SLC12A8: variants seen among roughly 807,000 people sequenced by gnomAD.
SLC12A8 encodes solute carrier family 12 member 8.
A neutral mutation model predicts 75.6 loss-of-function variants in SLC12A8; 69 were observed. That is an observed-to-expected ratio of 0.91 (90% CI 0.75 to 1.11). SLC12A8 has a LOEUF of 1.11. Among genes scored for constraint, SLC12A8 ranks in the 50% most tolerant of loss-of-function variants. SLC12A8 has a pLI of 0.00. For missense variants in SLC12A8, 877 were observed against 896.7 expected (o/e 0.98, Z 0.28); for synonymous variants, 365 against 372.8 (o/e 0.98, Z 0.24).
intron 5 of SLC12A8, among the ~76,000 whole-genome samples, chr3:125,174,879 T>C (rs1488106048): frequency 8.5e-5 from 13 of 152,236 alleles, no homozygotes. Context: ...TATGATGCTG[T>C]AATGCTGCAT....
At chr3:125,157,632 C>G (rs1304136492) in intron 5 of SLC12A8, among the ~76,000 whole-genome samples, 1 of 152,214 alleles carries the variant, frequency 6.6e-6, no homozygotes, top group Non-Finnish European at 1.5e-5. Context: ...ACTTTCTGAA[C>G]TCTTCCATGC....
chr3:125,144,163 C>T (rs1441615101), intron 5 of SLC12A8, among the ~76,000 whole-genome samples: 1 of 152,126 alleles, frequency 6.6e-6, no homozygotes, highest in South Asian at 2.1e-4. Context: ...TCACCTGGGC[C>T]CCAGGAAACA....
chr3:125,130,373 C>T (rs911936375), intron 6 of SLC12A8, among the ~76,000 whole-genome samples: 1 of 151,962 alleles, frequency 6.6e-6, no homozygotes, highest in Non-Finnish European at 1.5e-5. Flanking sequence ...GGGTGGATCA[C>T]TTGAGGTCAA....
At chr3:125,179,873 T>A (rs1934617470) in intron 4 of SLC12A8, among the ~76,000 whole-genome samples, 1 of 152,166 alleles carries the variant, frequency 6.6e-6, no homozygotes, top group Admixed American at 6.5e-5. Flanking sequence ...CTCTTCATGG[T>A]CAAAATTATC....
chr3:125,108,121 C>T lies in SLC12A8; in HGVS notation c.1065G>A (p.Gly355=), dbSNP rs1251402405. The T allele has an allele frequency of 1.9e-6, 3 of 1,611,766 alleles. No individual in the cohort carries two copies. Among genetic ancestry groups the T allele is most frequent in the East Asian group, 4.5e-5 (2 of 44,816 alleles). ...PALACLGQGK[G]PNKTPVAAIC... ...TGGCAGCCACGGGTGTTTTGTTTGG[C>T]CCCTTCTGCAGGAACAAAAATAACA... Residue 355 remains glycine, a synonymous_variant, in exon 10 of 14, where the codon GGG becomes GGA. Coordinates refer to ENST00000469902, the MANE Select transcript of SLC12A8 (RefSeq NM_024628.6).
At chr3:125,195,285 A>G (rs1934986473) in intron 2 of SLC12A8, among the ~76,000 whole-genome samples, 1 of 152,220 alleles carries the variant, frequency 6.6e-6, no homozygotes, top group Admixed American at 6.5e-5. Context: ...CAGCCCAGGC[A>G]TTCTGAGTAA....
intron 10 of SLC12A8, among the ~76,000 whole-genome samples, chr3:125,097,182 C>A (rs559600746): frequency 6.6e-6 from 1 of 151,900 alleles, no homozygotes; most frequent in South Asian, 2.1e-4. Flanking sequence ...GTCAAGAGAT[C>A]AAGACCATCC....
intron 2 of SLC12A8, among the ~76,000 whole-genome samples, chr3:125,194,420 T>A (rs1328150200): frequency 7.0e-6 from 1 of 143,320 alleles, no homozygotes; most frequent in Admixed American, 6.9e-5. Context: ...ATCTCCATAC[T>A]TGAGCGAGGT....
intron 5 of SLC12A8, 126 bp from the exon 6 acceptor site, chr3:125,135,908 A>C (rs1318888070): frequency 1.9e-6 from 1 of 520,776 alleles, no homozygotes; most frequent in African/African-American, 1.9e-5. Context: ...TATGTGACAC[A>C]CAGCGACAGA....
chr3:125,141,225 A>G (rs1933627462), intron 5 of SLC12A8, among the ~76,000 whole-genome samples: 1 of 152,210 alleles, frequency 6.6e-6, no homozygotes. Context: ...AGGCAGGAAC[A>G]GGCAGAGGGA....
rs1483075882 is a variant in SLC12A8 at position 125,171,966 on chromosome 3, A to G, written c.622+5777T>C. 1.2e-3 allele frequency among the ~76,000 whole-genome samples: 3 copies of G among 2,410 alleles called. 1 individual carries two copies. The highest frequency in any genetic ancestry group is 3.6e-3 in the South Asian group (1 of 274). 1.6% of individuals were successfully genotyped at this position (2,410 alleles called of 152,430 possible). A position where few individuals can be genotyped will look rare whatever the true frequency, so the allele number is the denominator to read the frequency against. The stretch of plus-strand genomic sequence containing the variant: ...AAAATTAAAAAGTAAAAAAAAAAAA[A>G]AAAAGAAAAGAAAAGGTGAAAATTA... On this transcript the variant is annotated intron_variant, in intron 5 of 13. Transcript: ENST00000469902.
intron 8 of SLC12A8, among the ~76,000 whole-genome samples, chr3:125,118,228 T>A (rs1384301718): frequency 6.6e-6 from 1 of 152,238 alleles, no homozygotes; most frequent in Non-Finnish European, 1.5e-5. Flanking sequence ...TGTGAATCCC[T>A]CTGGGCATCA....
intron 2 of SLC12A8, among the ~76,000 whole-genome samples, chr3:125,205,059 C>CCCAAT (rs1357289183): frequency 2.6e-5 from 4 of 152,026 alleles, no homozygotes; most frequent in African/African-American, 9.7e-5. Flanking sequence ...TTCTCCTGAC[C>CCCAAT]CCAATCATCC....
intron 6 of SLC12A8, among the ~76,000 whole-genome samples, chr3:125,128,630 C>T (rs1264362926): frequency 1.3e-5 from 2 of 152,142 alleles, no homozygotes; most frequent in African/African-American, 2.4e-5. Context: ...CAGGCTTGAG[C>T]CACTGCACCC....
chr3:125,145,981 A>T (rs1933761767), intron 5 of SLC12A8, among the ~76,000 whole-genome samples: 1 of 152,116 alleles, frequency 6.6e-6, no homozygotes, highest in Non-Finnish European at 1.5e-5. Flanking sequence ...GGCTGGCGCC[A>T]CCATGCTCAG....
At chr3:125,188,489 A>G (rs1934840260) in intron 3 of SLC12A8, among the ~76,000 whole-genome samples, 1 of 152,256 alleles carries the variant, frequency 6.6e-6, no homozygotes, top group Non-Finnish European at 1.5e-5. Context: ...TGTTCATTAA[A>G]TGCTTGTTGA....
At chr3:125,160,949 C>A (rs1934155210) in intron 5 of SLC12A8, among the ~76,000 whole-genome samples, 1 of 152,198 alleles carries the variant, frequency 6.6e-6, no homozygotes, top group African/African-American at 2.4e-5. Flanking sequence ...ATTCCACATG[C>A]CCGGGTTCCG....
intron 5 of SLC12A8, among the ~76,000 whole-genome samples, chr3:125,140,464 C>T (rs1182021546): frequency 6.6e-6 from 1 of 152,168 alleles, no homozygotes; most frequent in African/African-American, 2.4e-5. Context: ...TGCCTTTCAG[C>T]CCCAGGAAAC....
intron 4 of SLC12A8, among the ~76,000 whole-genome samples, chr3:125,181,208 G>T (rs374532109): frequency 5.9e-5 from 9 of 152,222 alleles, no homozygotes; most frequent in Admixed American, 1.3e-4. Flanking sequence ...TTTTTACAAA[G>T]TAATGAAAAC....
Sources: allele counts gnomAD v4.1 joint callset (sites outside exome capture counted in the v4.1 genomes callset), GRCh38; gene constraint gnomAD v4.1.1; transcripts MANE v1.5; gene names NCBI Gene and HGNC (gene_info 2026-07-23, HGNC 2026-07-21).